Variants in NCALD observed in about 807,000 individuals in gnomAD.
The protein encoded by NCALD is neurocalcin delta.
Under a neutral mutation model 18.6 loss-of-function variants are expected in NCALD, and 10 were observed. The observed-to-expected ratio is 0.54, with a 90% CI of 0.33 to 0.91. The LOEUF is 0.91. Among genes scored for constraint, NCALD ranks in the 40% least tolerant of loss-of-function variants. NCALD has a pLI of 0.03. For synonymous variants in NCALD, 88 were observed against 87.4 expected (o/e 1.01, Z -0.04); for missense variants, 184 against 247.6 (o/e 0.74, Z 1.72).
At chr8:101,974,058 CA>C (rs1820335074) in intron 2 of NCALD, among the ~76,000 whole-genome samples, 1 of 152,166 alleles carries the variant, frequency 6.6e-6, no homozygotes, top group South Asian at 2.1e-4. Flanking sequence ...CAGGGTCACA[CA>C]AGAGCTATGT....
intron 4 of NCALD, among the ~76,000 whole-genome samples, chr8:101,830,453 C>T (rs933113123): frequency 6.6e-5 from 10 of 151,514 alleles, no homozygotes; most frequent in East Asian, 2.0e-4. Context: ...CCCAGCTACT[C>T]GGGAGGCTGA....
At chr8:101,782,136 T>A (rs1812042770) in intron 1 of NCALD, among the ~76,000 whole-genome samples, 2 of 149,490 alleles carry the variant, frequency 1.3e-5, no homozygotes, top group Non-Finnish European at 3.0e-5. Context: ...TTTCATTGTA[T>A]ACTCATTATA....
chr8:101,906,479 A>C (rs1817615824), intron 3 of NCALD, among the ~76,000 whole-genome samples: 1 of 152,212 alleles, frequency 6.6e-6, no homozygotes, highest in Non-Finnish European at 1.5e-5. Flanking sequence ...AGAAACGGCC[A>C]TGGTTGACAC....
At chr8:101,905,163 C>T (rs1817568595) in intron 3 of NCALD, among the ~76,000 whole-genome samples, 1 of 152,148 alleles carries the variant, frequency 6.6e-6, no homozygotes, top group Non-Finnish European at 1.5e-5. Flanking sequence ...CAGAGCTCCT[C>T]TCCATTCTCT....
At chr8:101,858,937 A>C (rs1815429488) in intron 4 of NCALD, among the ~76,000 whole-genome samples, 1 of 152,224 alleles carries the variant, frequency 6.6e-6, no homozygotes, top group African/African-American at 2.4e-5. Context: ...GAGGCAGAAA[A>C]AAATTCAACA....
chr8:101,918,373 C>G (rs971456713), intron 2 of NCALD, among the ~76,000 whole-genome samples: 2 of 152,056 alleles, frequency 1.3e-5, no homozygotes, highest in African/African-American at 4.8e-5. Flanking sequence ...CAGCGAATAT[C>G]ATACTGAAGG....
intron 2 of NCALD, among the ~76,000 whole-genome samples, chr8:101,700,425 C>G (rs890180052): frequency 6.6e-6 from 1 of 152,106 alleles, no homozygotes; most frequent in Non-Finnish European, 1.5e-5. Context: ...GCACAAAAAG[C>G]ACCTTATTTT....
chr8:101,822,478 G>A (rs939495880), intron 4 of NCALD, among the ~76,000 whole-genome samples: 2 of 152,096 alleles, frequency 1.3e-5, no homozygotes, highest in Admixed American at 6.6e-5. Flanking sequence ...CCAGAATCCT[G>A]CCAACTGGCT....
intron 4 of NCALD, among the ~76,000 whole-genome samples, chr8:101,863,816 G>T (rs1189984977): frequency 2.0e-5 from 3 of 152,154 alleles, no homozygotes; most frequent in Non-Finnish European, 4.4e-5. Context: ...TGGATGAAAT[G>T]CAGGAGTGAG....
At chr8:101,771,620 A>G (rs1811588188) in intron 1 of NCALD, among the ~76,000 whole-genome samples, 2 of 152,214 alleles carry the variant, frequency 1.3e-5, no homozygotes, top group South Asian at 4.1e-4. Flanking sequence ...ATTATATTTT[A>G]TATTTGTGAA....
intron 1 of NCALD, among the ~76,000 whole-genome samples, chr8:101,735,310 A>G (rs1817027941): frequency 6.6e-6 from 1 of 152,120 alleles, no homozygotes; most frequent in Non-Finnish European, 1.5e-5. Flanking sequence ...GCTGTATAAG[A>G]ATCTGTATTA....
At chr8:101,873,971 G>T (rs1816122951) in intron 4 of NCALD, among the ~76,000 whole-genome samples, 1 of 152,198 alleles carries the variant, frequency 6.6e-6, no homozygotes, top group African/African-American at 2.4e-5. Flanking sequence ...GCCTACAAAG[G>T]TCACATGATT....
Position 102,107,921 on chromosome 8 carries a change from C to T in NCALD, c.-210+16316G>A, listed in dbSNP as rs148451609. Among the ~76,000 whole-genome samples, 1,145 of 152,248 alleles carry T rather than the reference C, an allele frequency of 7.5e-3. 7 individuals carry two copies. Among genetic ancestry groups the T allele is most frequent in the Non-Finnish European group, 0.012 (832 of 68,004 alleles). ...CCAAGACGCCAGTGGTGGCCAAGGC[C>T]TGTGTCCTTCCCCTCACCCCACCCA... On this transcript the variant is annotated intron_variant, in intron 1 of 6. Transcript: ENST00000311028.
intron 2 of NCALD, among the ~76,000 whole-genome samples, chr8:101,988,902 GA>G (rs35196499): frequency 0.31 from 20,496 of 65,336 alleles, 1,560 homozygotes; most frequent in Middle Eastern, 0.46. Flanking sequence ...GGTGCCAGCA[GA>G]AAAAAAAAAA....
At chr8:101,854,662 C>A (rs1815233481) in intron 4 of NCALD, among the ~76,000 whole-genome samples, 1 of 152,126 alleles carries the variant, frequency 6.6e-6, no homozygotes, top group Non-Finnish European at 1.5e-5. Context: ...AAACATATAG[C>A]TTTCCTAGAC....
At chr8:102,028,574 G>A (rs1309043797) in intron 1 of NCALD, among the ~76,000 whole-genome samples, 2 of 152,170 alleles carry the variant, frequency 1.3e-5, no homozygotes, top group Non-Finnish European at 2.9e-5. Context: ...CCTGGGCAGT[G>A]CCATTAGGAA....
In NCALD at chr8:101,985,135, G is replaced by A. The variant is rs554630786; in HGVS notation, c.-157+35102C>T. Among the ~76,000 whole-genome samples the A allele has an allele frequency of 2.6e-5, 4 of 152,230 alleles. No homozygotes were observed. In the South Asian group the frequency reaches 8.3e-4, roughly 32 times the overall value. On this transcript the variant is annotated intron_variant, in intron 2 of 6. Transcript: ENST00000311028. ...CCCTGATGTTCACCTTTGGAACTCC[G>A]CCGCCATGCTGCGTGGAAGCCAACA... is the stretch of plus-strand genomic sequence containing the variant.
At chr8:102,024,541 C>T (rs1822387846) in intron 1 of NCALD, among the ~76,000 whole-genome samples, 1 of 152,170 alleles carries the variant, frequency 6.6e-6, no homozygotes, top group African/African-American at 2.4e-5. Context: ...AAAACAATTC[C>T]TTCTCTTGCT....
intron 4 of NCALD, among the ~76,000 whole-genome samples, chr8:101,807,353 T>A (rs1813143709): frequency 6.6e-6 from 1 of 152,130 alleles, no homozygotes; most frequent in Admixed American, 6.5e-5. Flanking sequence ...TAAAATATTG[T>A]TGTAAAATAT....
Sources: gnomAD v4.1 joint callset for allele counts (sites outside exome capture counted in the v4.1 genomes callset) on GRCh38, gnomAD v4.1.1 for gene constraint, MANE v1.5 for transcripts, NCBI Gene and HGNC (gene_info 2026-07-23, HGNC 2026-07-21) for gene names.